The following TTC28 variants were observed in gnomAD, a reference collection of about 807,000 sequenced individuals.
TTC28 encodes the protein tetratricopeptide repeat domain 28.
In TTC28, 61 loss-of-function variants were observed where a neutral mutation model predicts 198.0. The observed-to-expected ratio is 0.31, with a 90% CI of 0.25 to 0.38. TTC28 has a LOEUF of 0.38. TTC28 is among the 10% of genes least tolerant of loss of function. The pLI is 1.00. For synonymous variants in TTC28, 1,171 were observed against 1,297.8 expected (o/e 0.90, Z 2.10); for missense variants, 2,678 against 3,164.0 (o/e 0.85, Z 3.69).
intron 2 of TTC28, among the ~76,000 whole-genome samples, chr22:28,468,950 G>C (rs2048063790): frequency 6.6e-6 from 1 of 152,042 alleles, no homozygotes; most frequent in African/African-American, 2.4e-5. Context: ...ACCCTGCCTG[G>C]TGCAACCAAA....
intron 2 of TTC28, among the ~76,000 whole-genome samples, chr22:28,345,789 G>C (rs972524892): frequency 6.6e-6 from 1 of 152,152 alleles, no homozygotes; most frequent in Non-Finnish European, 1.5e-5. Context: ...GGCTTGAAGG[G>C]AGCTTGAACA....
At chr22:28,386,422 T>C (rs1053132839) in intron 2 of TTC28, among the ~76,000 whole-genome samples, 4 of 152,114 alleles carry the variant, frequency 2.6e-5, no homozygotes, top group African/African-American at 9.7e-5. Context: ...CCACATCTTA[T>C]TCAGCAATTA....
intron 12 of TTC28, among the ~76,000 whole-genome samples, chr22:28,036,863 A>G (rs1366072195): frequency 2.0e-5 from 3 of 152,248 alleles, no homozygotes; most frequent in African/African-American, 7.2e-5. Context: ...ACAGAAATAC[A>G]AACTACCATC....
At chr22:28,375,641 T>A (rs1051310153) in intron 2 of TTC28, among the ~76,000 whole-genome samples, 6 of 152,184 alleles carry the variant, frequency 3.9e-5, no homozygotes, top group African/African-American at 1.4e-4. Flanking sequence ...GGTGTCAATT[T>A]GACAAGATTA....
intron 12 of TTC28, among the ~76,000 whole-genome samples, chr22:28,085,946 C>T (rs1941575785): frequency 6.6e-6 from 1 of 152,142 alleles, no homozygotes; most frequent in Non-Finnish European, 1.5e-5. Flanking sequence ...GGGATCAATT[C>T]AACAAGAAGA....
At position 28,396,306 on chromosome 22, in the gene TTC28, C is replaced by T. The variant is rs538748554; in HGVS notation, c.382-89663G>A. Among the ~76,000 whole-genome samples the T allele has an allele frequency of 5.3e-5, 8 of 152,204 alleles. No homozygotes were observed. The South Asian group carries it at 1.5e-3, about 28-fold the overall frequency. On this transcript the variant is annotated intron_variant, in intron 2 of 22. Coordinates refer to ENST00000397906, the MANE Select transcript of TTC28 (RefSeq NM_001145418.2). ...TACACTCTCCGTTAGAAAATAAGAG[C>T]GATTTCACTAGTATTGAAAGGCCCA...
intron 1 of TTC28, among the ~76,000 whole-genome samples, chr22:28,661,230 G>C (rs937861226): frequency 3.3e-5 from 5 of 152,026 alleles, no homozygotes; most frequent in Non-Finnish European, 5.9e-5. Flanking sequence ...GTTGCGGTGA[G>C]TCGAGATCGT....
intron 2 of TTC28, among the ~76,000 whole-genome samples, chr22:28,572,195 T>C (rs1238866790): frequency 7.2e-6 from 1 of 139,838 alleles, no homozygotes; most frequent in African/African-American, 2.7e-5. Context: ...AAAAAAAAAA[T>C]AGCCAGGCAT....
intron 2 of TTC28, among the ~76,000 whole-genome samples, chr22:28,489,344 A>C (rs1430609534): frequency 6.6e-6 from 1 of 151,994 alleles, no homozygotes; most frequent in Non-Finnish European, 1.5e-5. Flanking sequence ...TCCATAAGTC[A>C]GAATTCAAAA....
At chr22:28,398,959 T>C (rs1041244027) in intron 2 of TTC28, among the ~76,000 whole-genome samples, 5 of 152,132 alleles carry the variant, frequency 3.3e-5, no homozygotes, top group Non-Finnish European at 7.4e-5. Flanking sequence ...ATATGTGTTT[T>C]TAAACTTAAA....
At chr22:28,604,839 T>C (rs950089042) in intron 2 of TTC28, among the ~76,000 whole-genome samples, 13 of 152,186 alleles carry the variant, frequency 8.5e-5, no homozygotes, top group African/African-American at 3.1e-4. Flanking sequence ...TGTGTCCTGA[T>C]ACATTTTATA....
intron 2 of TTC28, among the ~76,000 whole-genome samples, chr22:28,457,488 C>G (rs917386295): frequency 1.3e-5 from 2 of 152,092 alleles, no homozygotes; most frequent in Non-Finnish European, 2.9e-5. Flanking sequence ...TACAAGAAAC[C>G]TAAAAAGAAA....
At chr22:28,158,765 A>C (rs1943816582) in intron 6 of TTC28, among the ~76,000 whole-genome samples, 1 of 152,204 alleles carries the variant, frequency 6.6e-6, no homozygotes, top group African/African-American at 2.4e-5. Context: ...ATCACATCAA[A>C]ATTGATTAAA....
rs2146540490 is a variant in TTC28, at chr22:27,998,621, G to C, written c.5038C>G (p.Leu1680Val). 1 of 1,550,844 alleles carries C rather than the reference G, an allele frequency of 6.4e-7. No individual in the cohort carries two copies. The highest frequency in any genetic ancestry group is 1.4e-5 in the African/African-American group (1 of 73,182). Residue 1680 changes from leucine to valine, a missense_variant, in exon 16 of 23, where the codon CTG (leucine) becomes GTG (valine). By Grantham distance (32) the Leu-to-Val change is conservative. This residue lies in a region of TTC28 where 314 missense variants were observed against 442.7 expected (regional missense o/e 0.71). Transcript: ENST00000397906. ...HAFYSSLLNGLKASAALGEAM... is the reference protein window; with the variant it reads ...HAFYSSLLNGVKASAALGEAM... Reference sequence around the variant, plus strand: ...TCCCCCAGGGCGGCGCTGGCTTTCAGGCCGTTCAGCAGGGATGAGTAGAAG... The same window carrying C: ...TCCCCCAGGGCGGCGCTGGCTTTCACGCCGTTCAGCAGGGATGAGTAGAAG...
At chr22:27,985,152 C>A in intron 22 of TTC28, 97 bp downstream of exon 22, 1 of 908,170 alleles carries the variant, frequency 1.1e-6, no homozygotes, top group Admixed American at 2.5e-5. Context: ...TGTTGATTCA[C>A]TTTTCTTCTG....
chr22:28,625,186 G>T (rs1015365973), intron 2 of TTC28, among the ~76,000 whole-genome samples: 1 of 152,088 alleles, frequency 6.6e-6, no homozygotes, highest in African/African-American at 2.4e-5. Context: ...ACATTGTACC[G>T]GATATGCTAA....
chr22:28,083,745 G>A (rs1941451474), intron 12 of TTC28, among the ~76,000 whole-genome samples: 1 of 152,322 alleles, frequency 6.6e-6, no homozygotes, highest in Non-Finnish European at 1.5e-5. Context: ...AAGGGGTCAG[G>A]GAATTCCCTT....
At chr22:28,162,779 G>C (rs1011373148) in intron 6 of TTC28, among the ~76,000 whole-genome samples, 3 of 152,068 alleles carry the variant, frequency 2.0e-5, no homozygotes, top group Non-Finnish European at 4.4e-5. Context: ...GAAGACGCCT[G>C]TCTCTACAAA....
At position 27,996,289 on chromosome 22, in the gene TTC28, A is replaced by T. The variant is rs544389929; in HGVS notation, c.5120-30T>A. 1.4e-5 allele frequency: 22 copies of T among 1,545,264 alleles called. 1 individual carries two copies. The African/African-American group carries it at 2.7e-4, about 19-fold the overall frequency. ...AGAAAGCAAAGGAGGGCACCTCAGC[A>T]GGGCAGCTGGAGACCCCCAGCCCCA... On this transcript the variant is annotated intron_variant, in intron 16 of 22. Coordinates refer to ENST00000397906, the MANE Select transcript of TTC28 (RefSeq NM_001145418.2).
Sources: allele counts gnomAD v4.1 joint callset (sites outside exome capture counted in the v4.1 genomes callset), GRCh38; gene constraint gnomAD v4.1.1; regional missense constraint gnomAD v4.1.1; transcripts MANE v1.5; gene names NCBI Gene and HGNC (gene_info 2026-07-23, HGNC 2026-07-21).